The following RAB10 variants were observed in gnomAD, a reference collection of about 807,000 sequenced individuals.
RAB10 encodes the protein ras-related protein Rab-10.
A neutral mutation model predicts 25.7 loss-of-function variants in RAB10; 5 were observed. That is an observed-to-expected ratio of 0.19 (90% confidence interval 0.10 to 0.41). The LOEUF (loss-of-function observed/expected upper bound fraction) is 0.41, where lower values mean the gene tolerates loss of function less well. RAB10 is among the 10% of genes least tolerant of loss of function. The pLI, the probability that RAB10 is intolerant of heterozygous loss-of-function variation, is 1.00. For synonymous variants in RAB10, 89 were observed against 86.4 expected (o/e 1.03, Z -0.16); for missense variants, 103 against 245.8 (o/e 0.42, Z 3.89).
intron 1 of RAB10, among the ~76,000 whole-genome samples, chr2:26,083,388 T>C (rs1328485305): frequency 6.6e-6 from 1 of 151,250 alleles, no homozygotes; most frequent in Non-Finnish European, 1.5e-5. Flanking sequence ...CTTTTCTCTC[T>C]TCTCTCCCCT....
At chr2:26,053,719 CTTTTT>C (rs5829991) in intron 1 of RAB10, among the ~76,000 whole-genome samples, 1 of 149,922 alleles carries the variant, frequency 6.7e-6, no homozygotes, top group Non-Finnish European at 1.5e-5. Context: ...GTGTATATTT[CTTTTT>C]TTTTTATTTT....
chr2:26,047,841 A>T lies in RAB10; in HGVS notation c.127+13106A>T, dbSNP rs1004965050. Among the ~76,000 whole-genome samples, 12 of 150,724 alleles carry T rather than the reference A, an allele frequency of 8.0e-5. No individual in the cohort carries two copies. In the East Asian group the frequency reaches 2.2e-3, roughly 27 times the overall value. Reference sequence around the variant, plus strand: ...TGTGTTCAAACGATTCTCCTGCCACAGCCTCCCAAGTAGCTGGGACTACAG... The same window carrying T: ...TGTGTTCAAACGATTCTCCTGCCACTGCCTCCCAAGTAGCTGGGACTACAG... On this transcript the variant is annotated intron_variant, in intron 1 of 5. Transcript: ENST00000264710.
chr2:26,136,051 C>CT lies in RAB10; in HGVS notation c.*1033dup, dbSNP rs1668106859. 6.5e-6 allele frequency: 1 copy of CT among 152,676 alleles called. No homozygotes were observed. The highest frequency in any genetic ancestry group is 1.5e-5 in the Non-Finnish European group (1 of 68,076). 9.5% of individuals were successfully genotyped at this position (152,676 alleles called of 1,614,324 possible). A position where few individuals can be genotyped will look rare whatever the true frequency, so the allele number is the denominator to read the frequency against. On this transcript the variant is annotated 3_prime_UTR_variant, in exon 6 of 6. Coordinates refer to ENST00000264710, the MANE Select transcript of RAB10 (RefSeq NM_016131.5). ...TTCTATGTTCTGCTTTTCCTCCTCT[C>CT]TTTGTTCCCTTCCTGTCTATCCATT...
At chr2:26,077,269 T>C (rs1333698101) in intron 1 of RAB10, among the ~76,000 whole-genome samples, 1 of 152,244 alleles carries the variant, frequency 6.6e-6, no homozygotes, top group Non-Finnish European at 1.5e-5. Flanking sequence ...AAGGAAATTT[T>C]AAATTGTCAA....
chr2:26,103,714 A>G (rs1053994948), intron 2 of RAB10, among the ~76,000 whole-genome samples: 6 of 152,170 alleles, frequency 3.9e-5, no homozygotes, highest in Admixed American at 2.6e-4. Context: ...CTCCCCTCCA[A>G]GGAAACCCCA....
chr2:26,094,860 C>T (rs1365673738), intron 1 of RAB10, among the ~76,000 whole-genome samples: 1 of 152,084 alleles, frequency 6.6e-6, no homozygotes, highest in Non-Finnish European at 1.5e-5. Context: ...TGCCCGGCCC[C>T]ACTTAGTAAT....
chr2:26,033,836 T>C (rs977514100), upstream of RAB10, among the ~76,000 whole-genome samples: 6 of 152,062 alleles, frequency 3.9e-5, no homozygotes, highest in African/African-American at 9.7e-5. Flanking sequence ...AGTCGCTAGG[T>C]AGCGTCTCCC....
At chr2:26,071,428 C>CT (rs1253775820) in intron 1 of RAB10, among the ~76,000 whole-genome samples, 4 of 152,212 alleles carry the variant, frequency 2.6e-5, no homozygotes, top group Non-Finnish European at 5.9e-5. Flanking sequence ...TGGCCCACTC[C>CT]TGTAATCCCA....
intron 1 of RAB10, among the ~76,000 whole-genome samples, chr2:26,094,385 G>A (rs1215676608): frequency 6.6e-6 from 1 of 151,332 alleles, no homozygotes; most frequent in Non-Finnish European, 1.5e-5. Flanking sequence ...CCAAGTAGCT[G>A]GGATTACAGG....
At chr2:26,107,578 C>T (rs1667490887) in intron 2 of RAB10, among the ~76,000 whole-genome samples, 1 of 151,966 alleles carries the variant, frequency 6.6e-6, no homozygotes, top group Non-Finnish European at 1.5e-5. Flanking sequence ...GGCTGATCAC[C>T]TGAGGTCAGG....
At chr2:26,066,990 C>T (rs1666527755) in intron 1 of RAB10, among the ~76,000 whole-genome samples, 1 of 152,074 alleles carries the variant, frequency 6.6e-6, no homozygotes, top group East Asian at 1.9e-4. Context: ...CCACATTGGC[C>T]AGGCTGGTCT....
At chr2:26,082,105 A>T (rs1666882209) in intron 1 of RAB10, among the ~76,000 whole-genome samples, 1 of 152,172 alleles carries the variant, frequency 6.6e-6, no homozygotes, top group Admixed American at 6.5e-5. Context: ...AAAATATTTT[A>T]ATGTTTTATA....
rs548394115 is a variant in RAB10 at position 26,076,524 on chromosome 2, A to C, written c.128-22138A>C. Among the ~76,000 whole-genome samples the C allele has an allele frequency of 4.7e-4, 71 of 152,296 alleles. 2 individuals carry two copies. In the South Asian group the frequency reaches 0.013, roughly 27 times the overall value. On this transcript the variant is annotated intron_variant, in intron 1 of 5. Transcript: ENST00000264710. ...ACTGCCATGTTCTGGAGAACACCTT[A>C]TTTTGGAAGGTGCCCCCAAAGTATT...
chr2:26,098,567 A>G, intron 1 of RAB10, 95 bp from the exon 2 acceptor site: 1 of 863,388 alleles, frequency 1.2e-6, no homozygotes, highest in Non-Finnish European at 1.8e-6. Flanking sequence ...AAACACAGAC[A>G]AGTTTAAAAG....
rs1450499970 is a variant in RAB10 at position 26,034,856 on chromosome 2, A to AT, written c.127+122dup. 3 of 1,391,066 alleles carry AT rather than the reference A, an allele frequency of 2.2e-6. No individual in the cohort carries two copies. In the African/African-American group the frequency reaches 4.3e-5, roughly 20 times the overall value. 86.2% of individuals were successfully genotyped at this position (1,391,066 alleles called of 1,614,324 possible). ...CAGTGATTCCGATTCCAAACGACAC[A>AT]TCCAAGTTACTGTTTGAATCGGCAT... On this transcript the variant is annotated intron_variant, in intron 1 of 5. Coordinates refer to ENST00000264710, the MANE Select transcript of RAB10 (RefSeq NM_016131.5).
intron 2 of RAB10, among the ~76,000 whole-genome samples, chr2:26,100,937 T>C (rs995861071): frequency 6.6e-6 from 1 of 151,474 alleles, no homozygotes; most frequent in Non-Finnish European, 1.5e-5. Context: ...AATAAATATA[T>C]CACAAATTGT....
chr2:26,044,824 G>GT (rs71399348), intron 1 of RAB10, among the ~76,000 whole-genome samples: 113,335 of 151,868 alleles, frequency 0.75, 42,501 homozygotes, highest in East Asian at 0.87. Flanking sequence ...GGGATTACAG[G>GT]TGTAAGCCAT....
chr2:26,080,444 A>G (rs755730851), intron 1 of RAB10, among the ~76,000 whole-genome samples: 3 of 152,154 alleles, frequency 2.0e-5, no homozygotes, highest in Admixed American at 6.5e-5. Context: ...ATCTTCTCCA[A>G]TAATTTTTTT....
intron 1 of RAB10, among the ~76,000 whole-genome samples, chr2:26,094,810 C>G (rs902576229): frequency 6.6e-6 from 1 of 152,224 alleles, no homozygotes; most frequent in African/African-American, 2.4e-5. Context: ...ACCCCCGCCT[C>G]AGCCACCCAA....
Sources: allele counts gnomAD v4.1 joint callset (sites outside exome capture counted in the v4.1 genomes callset), GRCh38; gene constraint gnomAD v4.1.1; transcripts MANE v1.5; gene names NCBI Gene and HGNC (gene_info 2026-07-23, HGNC 2026-07-21).